The following ANKRD7 variants were observed in gnomAD, a reference collection of about 807,000 sequenced individuals.
ANKRD7 encodes ankyrin repeat domain 7.
In ANKRD7, 30 loss-of-function variants were observed where a neutral mutation model predicts 30.8. The ratio of observed to expected loss-of-function variants is 0.97; its 90% CI spans 0.73 to 1.32. The LOEUF (loss-of-function observed/expected upper bound fraction) is 1.32. ANKRD7 is among the 40% of genes most tolerant of loss of function. The pLI, the probability that ANKRD7 is intolerant of heterozygous loss-of-function variation, is 0.00. For missense variants in ANKRD7, 264 were observed against 295.7 expected, an observed-to-expected ratio of 0.89 and a Z score of 0.79; for synonymous variants, 97 against 106.6, an observed-to-expected ratio of 0.91 and a Z score of 0.55.
chr7:118,237,036 C>T (rs1269647654), intron 5 of ANKRD7, 110 bp downstream of exon 5: 3 of 1,132,362 alleles, frequency 2.6e-6, no homozygotes, highest in African/African-American at 3.1e-5. Context: ...GGGGTAACCA[C>T]ATACAAATCT....
chr7:118,235,339 A>G (rs1436563947), intron 3 of ANKRD7, among the ~76,000 whole-genome samples: 2 of 152,160 alleles, frequency 1.3e-5, no homozygotes, highest in Non-Finnish European at 2.9e-5. Flanking sequence ...TGAGCCGGGC[A>G]TGGTGGCTCA....
At chr7:118,236,207 CGTATGTGTGT>C in intron 4 of ANKRD7, 60 bp downstream of exon 4, 2 of 595,872 alleles carry the variant, frequency 3.4e-6, no homozygotes, top group South Asian at 2.0e-5. Context: ...TGTGTGTGTG[CGTATGTGTGT>C]GTGTGTGTGT....
intron 1 of ANKRD7, among the ~76,000 whole-genome samples, chr7:118,227,443 ATTAG>A (rs1475070911): frequency 6.6e-6 from 1 of 152,104 alleles, no homozygotes; most frequent in East Asian, 1.9e-4. Flanking sequence ...GAATCTCTCT[ATTAG>A]TTCTAGTGCC....
intron 3 of ANKRD7, 70 bp downstream of exon 3, chr7:118,234,944 A>C (rs1809702338): frequency 1.5e-6 from 2 of 1,302,544 alleles, no homozygotes; most frequent in Non-Finnish European, 2.1e-6. Flanking sequence ...CAGATAATTC[A>C]TCTATGTTGA....
rs551048688 is a variant in ANKRD7, at chr7:118,236,610, A to C, written c.576-180A>C. On this transcript the variant is annotated intron_variant, in intron 4 of 6. Coordinates refer to ENST00000265224, the MANE Select transcript of ANKRD7 (RefSeq NM_019644.4). ...TAGGTACTGTTCATGTTTAGACTCCATGATATGATCTGTGACTGGCACACT... is the reference window on the plus strand; with the variant it reads ...TAGGTACTGTTCATGTTTAGACTCCCTGATATGATCTGTGACTGGCACACT... 5.9e-5 allele frequency among the ~76,000 whole-genome samples: 9 copies of C among 152,304 alleles called. No homozygotes were observed. In the South Asian group the frequency reaches 1.9e-3, roughly 32 times the overall value.
At chr7:118,227,968 C>T (rs771407909) in intron 1 of ANKRD7, 1 of 1,330,174 alleles carries the variant, frequency 7.5e-7, no homozygotes, top group Admixed American at 2.1e-5. Flanking sequence ...TATCCTACAC[C>T]ACTCCGCTGA....
At chr7:118,233,920 T>C (rs1364544719) in intron 1 of ANKRD7, among the ~76,000 whole-genome samples, 4 of 152,000 alleles carry the variant, frequency 2.6e-5, no homozygotes, top group African/African-American at 9.7e-5. Flanking sequence ...TAACTTAAAA[T>C]AGGGTTAAGA....
intron 1 of ANKRD7, among the ~76,000 whole-genome samples, chr7:118,229,633 G>A (rs1809601438): frequency 6.6e-6 from 1 of 152,046 alleles, no homozygotes; most frequent in African/African-American, 2.4e-5. Context: ...AATCTTGAAA[G>A]TGTCATGCTA....
chr7:118,239,660 A>G (rs956407701), intron 5 of ANKRD7, among the ~76,000 whole-genome samples: 1 of 152,206 alleles, frequency 6.6e-6, no homozygotes, highest in African/African-American at 2.4e-5. Context: ...AGCCATTTTT[A>G]CTATCTTGAT....
rs763354248 is a variant in ANKRD7, at chr7:118,235,551, G to T, written c.469-490G>T. On this transcript the variant is annotated intron_variant, in intron 3 of 6. Coordinates refer to ENST00000265224, the MANE Select transcript of ANKRD7 (RefSeq NM_019644.4). ...GGCGTGAACCCGGGAGGCGGGGCTTGCAGTGAGCCAAGATTGCGCCACTGC... is the reference window on the plus strand; with the variant it reads ...GGCGTGAACCCGGGAGGCGGGGCTTTCAGTGAGCCAAGATTGCGCCACTGC... Among the ~76,000 whole-genome samples the T allele has an allele frequency of 1.6e-3, 237 of 148,850 alleles. 1 individual carries two copies. The highest frequency in any genetic ancestry group is 2.0e-3 in the Admixed American group (29 of 14,726).
At chr7:118,241,690 C>T (rs1471815452) in intron 6 of ANKRD7, among the ~76,000 whole-genome samples, 1 of 151,838 alleles carries the variant, frequency 6.6e-6, no homozygotes, top group Non-Finnish European at 1.5e-5. Flanking sequence ...CAGGCTCCAC[C>T]ACCATGCCCG....
Position 118,236,919 on chromosome 7 carries a change from T to C in ANKRD7, c.705T>C (p.Val235=). The stretch of plus-strand genomic sequence containing the variant: ...TGAGGAATATGTTTATTTCCATGGT[T>C]TTACTGCGTAAGTGATACTGCATGT... ...SQLRNMFISM[V]LLHRYPQFTA... is the part of the protein sequence containing the mutation. Residue 235 remains valine, a synonymous_variant, in exon 5 of 7, where the codon GTT becomes GTC. Coordinates refer to ENST00000265224, the MANE Select transcript of ANKRD7 (RefSeq NM_019644.4). 6.2e-7 allele frequency: 1 copy of C among 1,613,856 alleles called. No individual in the cohort carries two copies. The highest frequency in any genetic ancestry group is 8.5e-7 in the Non-Finnish European group (1 of 1,179,860).
At chr7:118,230,507 A>T (rs149679245) in intron 1 of ANKRD7, among the ~76,000 whole-genome samples, 537 of 124,636 alleles carry the variant, frequency 4.3e-3, no homozygotes, top group South Asian at 9.4e-3. Flanking sequence ...GAAAGAATTG[A>T]CTGCAAAGAA....
chr7:118,237,905 C>T (rs1809757812), intron 5 of ANKRD7, among the ~76,000 whole-genome samples: 1 of 151,966 alleles, frequency 6.6e-6, no homozygotes, highest in Non-Finnish European at 1.5e-5. Flanking sequence ...GGTGAATATC[C>T]AAACTATAAA....
intron 6 of ANKRD7, among the ~76,000 whole-genome samples, chr7:118,241,016 C>A (rs1036385926): frequency 1.3e-5 from 2 of 149,190 alleles, no homozygotes; most frequent in Non-Finnish European, 3.0e-5. Context: ...TAGCCGGGCG[C>A]GGTGGCGGGC....
Position 118,239,949 on chromosome 7 carries a change from A to G in ANKRD7, c.753A>G (p.Lys251=). ...TCACTGCGAGCCATGGAAAGAAGAA[A>G]CATGCTAAATAGACACCTTATTCTT... ...PQFTASHGKK[K]HAK Residue 251 remains lysine (K), a synonymous_variant, in exon 6 of 7, where the codon AAA becomes AAG. Coordinates refer to ENST00000265224, the MANE Select transcript of ANKRD7 (RefSeq NM_019644.4). 6.3e-7 allele frequency: 1 copy of G among 1,598,216 alleles called. No individual in the cohort carries two copies. The highest frequency in any genetic ancestry group is 2.2e-5 in the East Asian group (1 of 44,546).
intron 6 of ANKRD7, among the ~76,000 whole-genome samples, chr7:118,242,103 G>A (rs575864731): frequency 3.1e-4 from 47 of 152,290 alleles, no homozygotes; most frequent in African/African-American, 1.0e-3. Flanking sequence ...CTTAATTAAT[G>A]TTTTAAAGCG....
chr7:118,227,258 TC>T (rs956336345), intron 1 of ANKRD7, among the ~76,000 whole-genome samples: 2 of 152,138 alleles, frequency 1.3e-5, no homozygotes, highest in Admixed American at 1.3e-4. Context: ...AAATTTTATC[TC>T]CCCCCAAACT....
chr7:118,236,207 C>CATATGTGT (rs1554368689), intron 4 of ANKRD7, 60 bp downstream of exon 4: 21 of 595,954 alleles, frequency 3.5e-5, no homozygotes, highest in Non-Finnish European at 4.7e-5. Context: ...TGTGTGTGTG[C>CATATGTGT]GTATGTGTGT....
Sources: gnomAD v4.1 joint callset for allele counts (sites outside exome capture counted in the v4.1 genomes callset) on GRCh38, gnomAD v4.1.1 for gene constraint, MANE v1.5 for transcripts, NCBI Gene and HGNC (gene_info 2026-07-23, HGNC 2026-07-21) for gene names.